SERPINB5: variants seen among roughly 807,000 people sequenced by gnomAD.
The protein encoded by SERPINB5 is serpin B5.
In SERPINB5, 27 loss-of-function variants were observed where a neutral mutation model predicts 32.2. The ratio of observed to expected loss-of-function variants is 0.84; its 90% confidence interval spans 0.62 to 1.16. The LOEUF is 1.16. Among genes scored for constraint, SERPINB5 ranks in the 50% most tolerant of loss-of-function variants. The pLI is 0.00. For missense variants in SERPINB5, 388 were observed against 436.3 expected (o/e 0.89, Z 0.99); for synonymous variants, 154 against 157.4 (o/e 0.98, Z 0.16).
At chr18:63,491,138 C>T (rs1893439) in intron 4 of SERPINB5, among the ~76,000 whole-genome samples, 9,501 of 152,166 alleles carry the variant, frequency 0.062, 910 homozygotes, top group African/African-American at 0.2. Context: ...CATGGTGGCT[C>T]ATGCCATAAT....
Position 63,504,225 on chromosome 18 carries a change from G to T in SERPINB5, c.*503G>T. On this transcript the variant is annotated 3_prime_UTR_variant, in exon 7 of 7. Coordinates refer to ENST00000382771, the MANE Select transcript of SERPINB5 (RefSeq NM_002639.5). Reference sequence around the variant, plus strand: ...ACATGCTCAGGCTACTATAGGTCCAGAAGTCCTTATGTTAAGCCCTGGCAG... The same window carrying T: ...ACATGCTCAGGCTACTATAGGTCCATAAGTCCTTATGTTAAGCCCTGGCAG... The T allele has an allele frequency of 6.4e-6, 1 of 156,296 alleles. No homozygotes were observed. The allele number at this position is 156,296 out of a possible 1,614,324, so 9.7% of individuals were successfully genotyped here. A position where few individuals can be genotyped will look rare whatever the true frequency, so the allele number is the denominator to read the frequency against.
chr18:63,502,293 G>A (rs1227076718), intron 6 of SERPINB5, among the ~76,000 whole-genome samples: 1 of 151,922 alleles, frequency 6.6e-6, no homozygotes, highest in Non-Finnish European at 1.5e-5. Flanking sequence ...CTGCCACGAC[G>A]CTTGGCTAAT....
chr18:63,488,153 G>A (rs1389834356), intron 3 of SERPINB5, among the ~76,000 whole-genome samples: 2 of 152,156 alleles, frequency 1.3e-5, no homozygotes, highest in African/African-American at 4.8e-5. Context: ...CCTTCATCTG[G>A]CTGAGGCTTT....
At chr18:63,479,097 A>G (rs982015052) in intron 1 of SERPINB5, among the ~76,000 whole-genome samples, 1 of 152,172 alleles carries the variant, frequency 6.6e-6, no homozygotes, top group African/African-American at 2.4e-5. Context: ...AACTATACTC[A>G]TAGCTCTGTT....
At chr18:63,502,604 C>T (rs1909591836) in intron 6 of SERPINB5, among the ~76,000 whole-genome samples, 2 of 151,818 alleles carry the variant, frequency 1.3e-5, no homozygotes, top group African/African-American at 4.8e-5. Flanking sequence ...TTCTGGATTT[C>T]CTCGTAGAGA....
At chr18:63,486,891 G>A (rs1162846147) in intron 2 of SERPINB5, 55 bp from the exon 3 acceptor site, 4 of 1,591,820 alleles carry the variant, frequency 2.5e-6, no homozygotes, top group South Asian at 1.1e-5. Flanking sequence ...GTCCACTTCA[G>A]TACAGCACTA....
chr18:63,486,799 A>T, intron 2 of SERPINB5, 147 bp from the exon 3 acceptor site: 1 of 716,034 alleles, frequency 1.4e-6, no homozygotes, highest in Non-Finnish European at 2.4e-6. Flanking sequence ...GAATGTCAAT[A>T]GTGCTGAGGT....
At chr18:63,497,502 A>AAAAAAAAAAAAAAAAAAAAAAAAAAAAAG (rs1909476780) in intron 5 of SERPINB5, 1 of 386,626 alleles carries the variant, frequency 2.6e-6, no homozygotes, top group African/African-American at 2.1e-5. Context: ...CGTTTCTGAA[A>AAAAAAAAAAAAAAAAAAAAAAAAAAAAAG]AAAAAAAAAA....
rs2144513202 is a variant in SERPINB5 at position 63,503,389 on chromosome 18, C to T, written c.795C>T (p.Ala265=). The change falls in exon 7 of 7, where the codon GCC becomes GCT. Residue 265 remains alanine, a synonymous_variant. Transcript: ENST00000382771. The part of the protein sequence containing the change: ...LSQWTNPSTM[A]NAKVKLSIPK... ...AGTGGACTAATCCCAGCACCATGGCCAATGCCAAGGTCAAACTCTCCATTC... is the reference window on the plus strand; with the variant it reads ...AGTGGACTAATCCCAGCACCATGGCTAATGCCAAGGTCAAACTCTCCATTC... 1 of 1,614,034 alleles carries T rather than the reference C, an allele frequency of 6.2e-7. No individual in the cohort carries two copies. Among genetic ancestry groups the T allele is most frequent in the East Asian group, 2.2e-5 (1 of 44,902 alleles).
intron 1 of SERPINB5, among the ~76,000 whole-genome samples, chr18:63,479,215 C>G (rs1917085829): frequency 6.6e-6 from 1 of 152,142 alleles, no homozygotes; most frequent in African/African-American, 2.4e-5. Flanking sequence ...AAACGGGGCA[C>G]TGTTATCAAT....
At chr18:63,497,448 C>A in intron 5 of SERPINB5, 7 of 716,436 alleles carry the variant, frequency 9.8e-6, no homozygotes, top group African/African-American at 1.8e-5. Flanking sequence ...GGCTGCACAC[C>A]ATTCTTGGTG....
chr18:63,494,638 T>C (rs1909411795), intron 5 of SERPINB5, among the ~76,000 whole-genome samples: 1 of 152,218 alleles, frequency 6.6e-6, no homozygotes, highest in Admixed American at 6.5e-5. Flanking sequence ...TTCTTAATGC[T>C]AGCATCCATG....
rs201794838 is a variant in SERPINB5, at chr18:63,500,893, ACTCT to A, written c.735+1611_735+1614del. ...TGTCCTTCTTCTTCTTTGGTGCATT[ACTCT>A]CTCTGTTTTTTTTCTTTCCATTTTA... On this transcript the variant is annotated intron_variant, in intron 6 of 6. Coordinates refer to ENST00000382771, the MANE Select transcript of SERPINB5 (RefSeq NM_002639.5). Among the ~76,000 whole-genome samples the A allele has an allele frequency of 4.2e-3, 623 of 149,554 alleles. 3 individuals carry two copies. Among genetic ancestry groups the A allele is most frequent in the African/African-American group, 0.015 (595 of 39,996 alleles).
chr18:63,482,642 A>G (rs1917143564), intron 1 of SERPINB5, among the ~76,000 whole-genome samples: 1 of 152,118 alleles, frequency 6.6e-6, no homozygotes, highest in African/African-American at 2.4e-5. Flanking sequence ...CTAAATAGGT[A>G]GGTAGACCTT....
rs905901447 is a variant in SERPINB5 at position 63,487,419 on chromosome 18, G to C, written c.306+336G>C. On this transcript the variant is annotated intron_variant, in intron 3 of 6. Coordinates refer to ENST00000382771, the MANE Select transcript of SERPINB5 (RefSeq NM_002639.5). The stretch of plus-strand genomic sequence containing the variant: ...TCCATAGACAATGAGCTGTCTTACA[G>C]AGTGTAAGACAGCTAATGATTTAAA... 2.6e-5 allele frequency among the ~76,000 whole-genome samples: 4 copies of C among 152,178 alleles called. No homozygotes were observed. The East Asian group carries it at 7.7e-4, about 29-fold the overall frequency.
At chr18:63,481,334 A>T (rs934420408) in intron 1 of SERPINB5, among the ~76,000 whole-genome samples, 6 of 152,236 alleles carry the variant, frequency 3.9e-5, no homozygotes, top group African/African-American at 1.4e-4. Context: ...TTTGCAGCCA[A>T]ACTCCCTCAG....
chr18:63,483,048 C>T (rs775583546), intron 1 of SERPINB5, among the ~76,000 whole-genome samples: 28 of 152,204 alleles, frequency 1.8e-4, no homozygotes, highest in Non-Finnish European at 3.7e-4. Context: ...ATAGTTTTAA[C>T]CTCATGGACC....
chr18:63,484,741 C>CTTTTTTTTT (rs869236018), intron 2 of SERPINB5, 145 bp downstream of exon 2: 2,799 of 107,988 alleles, frequency 0.026, 435 homozygotes, highest in African/African-American at 0.051. Context: ...CTCTCTTAAT[C>CTTTTTTTTT]TTTTTTTTTT....
At chr18:63,478,989 AC>A (rs1486000730) in intron 1 of SERPINB5, among the ~76,000 whole-genome samples, 8 of 152,048 alleles carry the variant, frequency 5.3e-5, no homozygotes, top group Non-Finnish European at 1.5e-5. Context: ...CGAACTCCTG[AC>A]CTCAAGTGAT....
Sources: gnomAD v4.1 joint callset for allele counts (sites outside exome capture counted in the v4.1 genomes callset) on GRCh38, gnomAD v4.1.1 for gene constraint, MANE v1.5 for transcripts, NCBI Gene and HGNC (gene_info 2026-07-23, HGNC 2026-07-21) for gene names.